GNL3L: variants seen among roughly 807,000 people sequenced by gnomAD.
The protein encoded by GNL3L is G protein nucleolar 3 like.
Under a neutral mutation model 42.9 loss-of-function variants are expected in GNL3L, and 4 were observed. The observed-to-expected ratio is 0.09, with a 90% CI of 0.05 to 0.21. The LOEUF (loss-of-function observed/expected upper bound fraction) is 0.21, where lower values mean the gene tolerates loss of function less well. GNL3L is among the 10% of genes least tolerant of loss of function. GNL3L has a pLI of 1.00. For missense variants in GNL3L, 412 were observed against 481.7 expected (o/e 0.86, Z 1.36); for synonymous variants, 159 against 176.3 (o/e 0.90, Z 0.78).
intron 16 of GNL3L, among the ~76,000 whole-genome samples, chrX:54,597,867 C>A (rs778636219): frequency 9.0e-6 from 1 of 111,124 alleles, no homozygotes; most frequent in South Asian, 3.8e-4. Context: ...GCTGCACTCT[C>A]CCTGCCGCCA....
At chrX:54,622,760 A>G (rs1025497548), downstream of GNL3L, among the ~76,000 whole-genome samples, 5 of 110,893 alleles carry the variant, frequency 4.5e-5, no homozygotes, top group Non-Finnish European at 9.4e-5. Context: ...TTGCTGTTTC[A>G]TATGTTTTGG....
rs750631692 is a variant in GNL3L, at chrX:54,591,127, A to C, written c.*46-29718A>C. Reference sequence around the variant, plus strand: ...ATTACAGGCGTGAGCCACCGTCCCCAGCCTGAGGTCTTAGATTTAGAATTT... The same window carrying C: ...ATTACAGGCGTGAGCCACCGTCCCCCGCCTGAGGTCTTAGATTTAGAATTT... On this transcript the variant is annotated intron_variant, in intron 16 of 16. Transcript: ENST00000674498. Among the ~76,000 whole-genome samples, 333 of 111,216 alleles carry C rather than the reference A, an allele frequency of 3.0e-3. 1 individual carries two copies. The highest frequency in any genetic ancestry group is 9.3e-3 in the Middle Eastern group (2 of 216).
At chrX:54,571,246 T>G (rs1343941524), downstream of GNL3L, among the ~76,000 whole-genome samples, 2 of 104,895 alleles carry the variant, frequency 1.9e-5, no homozygotes, top group Non-Finnish European at 3.9e-5. Flanking sequence ...CAGGCTGGAC[T>G]GCAGTGGCAC....
At chrX:54,536,602 T>C (rs1455132426) in intron 2 of GNL3L, among the ~76,000 whole-genome samples, 1 of 108,746 alleles carries the variant, frequency 9.2e-6, no homozygotes, top group African/African-American at 3.3e-5. Flanking sequence ...CTGGCCAACA[T>C]GGCGAAACCC....
intron 16 of GNL3L, among the ~76,000 whole-genome samples, chrX:54,575,957 G>C (rs1925630105): frequency 8.9e-6 from 1 of 112,069 alleles, no homozygotes; most frequent in Non-Finnish European, 1.9e-5. Context: ...AATATTATCT[G>C]TCTTGGAGAA....
At chrX:54,626,263 T>C (rs1180638992), downstream of GNL3L, among the ~76,000 whole-genome samples, 1 of 111,624 alleles carries the variant, frequency 9.0e-6, no homozygotes, top group East Asian at 2.8e-4. Context: ...CTCTCACATA[T>C]GAGTGAAAAT....
intron 9 of GNL3L, among the ~76,000 whole-genome samples, chrX:54,550,107 C>T (rs1299660282): frequency 9.2e-6 from 1 of 109,074 alleles, no homozygotes; most frequent in African/African-American, 3.4e-5. Flanking sequence ...TGCTTAGATA[C>T]AGAGACACAG....
At chrX:54,541,221 C>T in intron 4 of GNL3L, 52 bp from the exon 5 acceptor site, 1 of 867,441 alleles carries the variant, frequency 1.2e-6, no homozygotes, top group South Asian at 2.1e-5. Flanking sequence ...CCATCCCTCC[C>T]TTAGGCTGCA....
intron 16 of GNL3L, among the ~76,000 whole-genome samples, chrX:54,607,065 T>TTTC (rs1926091051): frequency 7.8e-5 from 5 of 64,304 alleles, no homozygotes; most frequent in African/African-American, 2.1e-4. Flanking sequence ...TCTTTCTTTC[T>TTTC]TTCTTTCTCT....
intron 16 of GNL3L, among the ~76,000 whole-genome samples, chrX:54,593,946 A>G (rs1266904620): frequency 9.0e-6 from 1 of 111,205 alleles, no homozygotes; most frequent in African/African-American, 3.3e-5. Flanking sequence ...GTTTTATTCC[A>G]TTGTGGTCAG....
downstream of GNL3L, among the ~76,000 whole-genome samples, chrX:54,567,468 G>T (rs1925466003): frequency 9.1e-6 from 1 of 109,783 alleles, no homozygotes; most frequent in African/African-American, 3.3e-5. Context: ...CCAACATGGA[G>T]AAACCCCGTC....
At chrX:54,570,885 A>G (rs1425632479), downstream of GNL3L, among the ~76,000 whole-genome samples, 2 of 111,816 alleles carry the variant, frequency 1.8e-5, no homozygotes, top group Non-Finnish European at 3.8e-5. Flanking sequence ...TTTAAATAAT[A>G]GAAAATAATT....
intron 16 of GNL3L, among the ~76,000 whole-genome samples, chrX:54,587,327 T>A (rs1359940689): frequency 8.9e-6 from 1 of 112,652 alleles, no homozygotes; most frequent in Non-Finnish European, 1.9e-5. Flanking sequence ...CTGGATGATC[T>A]GTCCAATGCT....
At chrX:54,543,967 A>G in intron 7 of GNL3L, 1 of 302,083 alleles carries the variant, frequency 3.3e-6, no homozygotes, top group Non-Finnish European at 5.8e-6. Context: ...GAAAGAGAAC[A>G]TTTGGGACCA....
intron 16 of GNL3L, among the ~76,000 whole-genome samples, chrX:54,585,412 T>G (rs1925770987): frequency 9.0e-6 from 1 of 111,527 alleles, no homozygotes; most frequent in African/African-American, 3.3e-5. Context: ...GGGATATTTT[T>G]TGATTACTGA....
chrX:54,636,540 A>G, the GNL3L span, among the ~76,000 whole-genome samples: 1 of 109,814 alleles, frequency 9.1e-6, no homozygotes, highest in Admixed American at 9.8e-5. Context: ...TCCCACCTCT[A>G]GTAGTCCCCA....
rs188172977 is a variant in GNL3L at position 54,599,022 on chromosome X, T to C, written c.*46-21823T>C. ...CCAGAGATCTGTAATTCTCAGAGAA[T>C]AGCAAACAGAATAAATACCAAAAGT... On this transcript the variant is annotated intron_variant, in intron 16 of 16. Transcript: ENST00000674498. Among the ~76,000 whole-genome samples the C allele has an allele frequency of 2.7e-3, 297 of 111,744 alleles. 3 individuals carry two copies. Among genetic ancestry groups the C allele is most frequent in the African/African-American group, 9.4e-3 (291 of 30,849 alleles).
chrX:54,630,714 T>TTCTTTCTTTCTTTC, the GNL3L span, among the ~76,000 whole-genome samples: 1 of 70,635 alleles, frequency 1.4e-5, no homozygotes, highest in Non-Finnish European at 2.4e-5. Context: ...TTCTTTTTCT[T>TTCTTTCTTTCTTTC]TCTTTCTTTC....
At chrX:54,532,746 C>T (rs1232032701) in intron 2 of GNL3L, among the ~76,000 whole-genome samples, 161 bp downstream of exon 2, 3 of 111,675 alleles carry the variant, frequency 2.7e-5, no homozygotes, top group South Asian at 3.7e-4. Context: ...CTGCAACCTC[C>T]GCCTCCCGGT....
Sources: gnomAD v4.1 joint callset for allele counts (sites outside exome capture counted in the v4.1 genomes callset) on GRCh38, gnomAD v4.1.1 for gene constraint, MANE v1.5 for transcripts, NCBI Gene and HGNC (gene_info 2026-07-23, HGNC 2026-07-21) for gene names.